Variants in LDB2 observed in about 807,000 individuals in gnomAD.
LDB2 encodes the protein LIM domain-binding protein 2.
Under a neutral mutation model 44.3 loss-of-function variants are expected in LDB2, and 12 were observed. The ratio of observed to expected loss-of-function variants is 0.27; its 90% CI spans 0.17 to 0.44. LDB2 has a LOEUF of 0.44. Ranked by LOEUF, LDB2 falls within the 20% of genes least tolerant of loss-of-function variation. LDB2 has a pLI of 1.00. For synonymous variants in LDB2, 164 were observed against 174.8 expected (o/e 0.94, Z 0.49); for missense variants, 344 against 473.5 (o/e 0.73, Z 2.54).
chr4:16,765,712 A>G (rs1388460970), intron 1 of LDB2, among the ~76,000 whole-genome samples: 2 of 152,212 alleles, frequency 1.3e-5, no homozygotes, highest in Non-Finnish European at 2.9e-5. Context: ...GGAATCTTAA[A>G]ATCTAACCTC....
At chr4:16,640,384 T>C (rs1734808846) in intron 2 of LDB2, among the ~76,000 whole-genome samples, 1 of 152,152 alleles carries the variant, frequency 6.6e-6, no homozygotes, top group South Asian at 2.1e-4. Flanking sequence ...TTAACTGAAA[T>C]ATGAAGGACC....
At chr4:16,667,827 C>T (rs1743709569) in intron 2 of LDB2, among the ~76,000 whole-genome samples, 1 of 152,184 alleles carries the variant, frequency 6.6e-6, no homozygotes, top group African/African-American at 2.4e-5. Flanking sequence ...GGACTGGCCT[C>T]AGGCTTGGCA....
At chr4:16,511,883 A>G in intron 6 of LDB2, 98 bp downstream of exon 6, 3 of 1,374,606 alleles carry the variant, frequency 2.2e-6, no homozygotes, top group Non-Finnish European at 3.0e-6. Context: ...ACTTGTCCTG[A>G]TAAATTAATG....
chr4:16,661,746 A>T (rs1741653231), intron 2 of LDB2, among the ~76,000 whole-genome samples: 1 of 152,192 alleles, frequency 6.6e-6, no homozygotes, highest in Non-Finnish European at 1.5e-5. Flanking sequence ...TGACTGAATG[A>T]ATTGAAAATC....
intron 2 of LDB2, among the ~76,000 whole-genome samples, chr4:16,634,506 AAG>A (rs1433767403): frequency 2.6e-5 from 4 of 152,318 alleles, no homozygotes; most frequent in African/African-American, 9.6e-5. Context: ...CACTTTTCAA[AAG>A]AAGACATTTA....
At chr4:16,787,046 A>G (rs1774591818) in intron 1 of LDB2, among the ~76,000 whole-genome samples, 1 of 152,192 alleles carries the variant, frequency 6.6e-6, no homozygotes. Flanking sequence ...CAGTCACAAA[A>G]TGGAAATAAA....
At chr4:16,872,611 A>G (rs1433435144) in intron 1 of LDB2, among the ~76,000 whole-genome samples, 1 of 152,244 alleles carries the variant, frequency 6.6e-6, no homozygotes, top group Non-Finnish European at 1.5e-5. Context: ...AAAAGTTTTT[A>G]AAGAATGAGA....
intron 1 of LDB2, among the ~76,000 whole-genome samples, chr4:16,816,749 C>T (rs924329239): frequency 5.3e-5 from 8 of 152,262 alleles, no homozygotes; most frequent in African/African-American, 1.9e-4. Flanking sequence ...TCTAACTCAT[C>T]CTGTTTTCTT....
intron 5 of LDB2, among the ~76,000 whole-genome samples, chr4:16,518,823 G>T (rs1175022424): frequency 1.3e-5 from 2 of 152,144 alleles, no homozygotes; most frequent in African/African-American, 4.8e-5. Context: ...GCATTAAAAA[G>T]GTATCAGATC....
rs113785808 is a variant in LDB2 at position 16,780,716 on chromosome 4, A to AT, written c.133-21457dup. 3.6e-3 allele frequency among the ~76,000 whole-genome samples: 517 copies of AT among 144,928 alleles called. 1 individual carries two copies. Among genetic ancestry groups the AT allele is most frequent in the South Asian group, 0.014 (61 of 4,516 alleles). On this transcript the variant is annotated intron_variant, in intron 1 of 7. Transcript: ENST00000304523. ...TATTCGCTCTGTGTTGGGTATTTCAATTTTTTTTTTTTTTGTACAACTCAA... is the reference window on the plus strand; with the variant it reads ...TATTCGCTCTGTGTTGGGTATTTCAATTTTTTTTTTTTTTTGTACAACTCAA...
chr4:16,820,215 G>T (rs1781682214), intron 1 of LDB2, among the ~76,000 whole-genome samples: 1 of 152,082 alleles, frequency 6.6e-6, no homozygotes, highest in African/African-American at 2.4e-5. Flanking sequence ...TTTCTTTTCT[G>T]ATTTCAATTT....
chr4:16,703,305 C>A (rs6825924), intron 2 of LDB2, among the ~76,000 whole-genome samples: 1 of 152,096 alleles, frequency 6.6e-6, no homozygotes, highest in African/African-American at 2.4e-5. Context: ...AGAAGCCAGT[C>A]GTGGAAGGAG....
chr4:16,516,594 G>T (rs1374278135), intron 5 of LDB2, among the ~76,000 whole-genome samples: 1 of 152,188 alleles, frequency 6.6e-6, no homozygotes, highest in Non-Finnish European at 1.5e-5. Flanking sequence ...GGTAGACGGT[G>T]GGGGTGACCT....
At chr4:16,671,108 C>CA (rs200098086) in intron 2 of LDB2, among the ~76,000 whole-genome samples, 25,008 of 111,228 alleles carry the variant, frequency 0.22, 2,319 homozygotes, top group East Asian at 0.33. Flanking sequence ...ATAGCACATA[C>CA]AAAAAAAAAA....
At chr4:16,728,202 C>T (rs1481372236) in intron 2 of LDB2, among the ~76,000 whole-genome samples, 1 of 152,056 alleles carries the variant, frequency 6.6e-6, no homozygotes, top group Non-Finnish European at 1.5e-5. Context: ...AAGGGATAAA[C>T]AATAAAATTT....
At position 16,582,580 on chromosome 4, in the gene LDB2, T is replaced by C. The variant is rs1242461153; in HGVS notation, c.615+3342A>G. ...AGTTTTCCCCAGAACACTGAGGACA[T>C]GCTTCGTGAAACCCACCACCCGGTA... On this transcript the variant is annotated intron_variant, in intron 5 of 7. Coordinates refer to ENST00000304523, the MANE Select transcript of LDB2 (RefSeq NM_001290.5). The surrounding 1 kb of genome is among the most constrained non-coding windows in gnomAD (Gnocchi z 4.8). 6.6e-6 allele frequency among the ~76,000 whole-genome samples: 1 copy of C among 152,192 alleles called. No homozygotes were observed.
chr4:16,868,997 GTGATGATGATGCTGGTAGATGATGT>G (rs1238679738), intron 1 of LDB2, among the ~76,000 whole-genome samples: 3 of 152,072 alleles, frequency 2.0e-5, no homozygotes, highest in South Asian at 2.1e-4. Flanking sequence ...GACATTATTG[GTGATGATGATGCTGGTAGATGATGT>G]TGATGATGAT....
chr4:16,749,473 G>A (rs1765017390), intron 2 of LDB2, among the ~76,000 whole-genome samples: 1 of 149,520 alleles, frequency 6.7e-6, no homozygotes, highest in Non-Finnish European at 1.5e-5. Context: ...CAGGAGAATT[G>A]CTTGAACCTG....
At chr4:16,883,055 G>A (rs937094597) in intron 1 of LDB2, among the ~76,000 whole-genome samples, 5 of 152,174 alleles carry the variant, frequency 3.3e-5, no homozygotes, top group East Asian at 1.9e-4. Flanking sequence ...CTTTATGTGC[G>A]GGTTTTAAGA....
Sources: gnomAD v4.1 joint callset for allele counts (sites outside exome capture counted in the v4.1 genomes callset) on GRCh38, gnomAD v4.1.1 for gene constraint, Gnocchi (gnomAD v3.1) non-coding constraint, MANE v1.5 for transcripts, NCBI Gene and HGNC (gene_info 2026-07-23, HGNC 2026-07-21) for gene names.